RYR2: variants seen among roughly 807,000 people sequenced by gnomAD.
The protein encoded by RYR2 is cardiac muscle ryanodine receptor-calcium release channel.
In RYR2, 227 loss-of-function variants were observed where a neutral mutation model predicts 601.1. That is an observed-to-expected ratio of 0.38 (90% CI 0.34 to 0.42). The LOEUF is 0.42. RYR2 is among the 10% of genes least tolerant of loss of function. The pLI is 1.00. For missense variants in RYR2, 4,646 were observed against 6,156.5 expected, an observed-to-expected ratio of 0.75 and a Z score of 8.21; for synonymous variants, 2,223 against 2,175.1, an observed-to-expected ratio of 1.02 and a Z score of -0.61.
intron 41 of RYR2, among the ~76,000 whole-genome samples, chr1:237,629,238 G>A (rs1167262057): frequency 1.3e-5 from 2 of 152,012 alleles, no homozygotes; most frequent in Admixed American, 6.6e-5. Flanking sequence ...TGCCTATTGA[G>A]TAGTGTTCGC....
At chr1:237,633,794 T>A in intron 43 of RYR2, 84 bp downstream of exon 43, 2 of 1,338,086 alleles carry the variant, frequency 1.5e-6, no homozygotes, top group Non-Finnish European at 2.0e-6. Flanking sequence ...TTAAAAAATG[T>A]GCAATGGACC....
intron 27 of RYR2, among the ~76,000 whole-genome samples, chr1:237,559,728 A>G (rs1226933570): frequency 6.6e-6 from 1 of 152,192 alleles, no homozygotes; most frequent in Non-Finnish European, 1.5e-5. Context: ...TGCATGTCTC[A>G]CAATTTTTGT....
At chr1:237,345,453 C>CAAAAAAA (rs1698210064) in intron 3 of RYR2, among the ~76,000 whole-genome samples, 2 of 139,118 alleles carry the variant, frequency 1.4e-5, no homozygotes, top group Non-Finnish European at 3.2e-5. Flanking sequence ...GAGACTCTGC[C>CAAAAAAA]AAAAAATAAA....
chr1:237,331,526 G>A (rs1696718075), intron 3 of RYR2, among the ~76,000 whole-genome samples: 1 of 147,330 alleles, frequency 6.8e-6, no homozygotes, highest in East Asian at 1.9e-4. Flanking sequence ...TTTTTGAGAT[G>A]GAGTCTGGCT....
At chr1:237,782,677 T>A (rs1335780969) in intron 89 of RYR2, among the ~76,000 whole-genome samples, 2 of 152,166 alleles carry the variant, frequency 1.3e-5, no homozygotes, top group Non-Finnish European at 2.9e-5. Flanking sequence ...CAATAATAAC[T>A]GCAGTAGCAG....
chr1:237,238,847 T>A (rs1685859482), intron 1 of RYR2, among the ~76,000 whole-genome samples: 1 of 150,428 alleles, frequency 6.6e-6, no homozygotes, highest in Non-Finnish European at 1.5e-5. Flanking sequence ...TTACTAGCAT[T>A]TGTAAGTAGA....
intron 3 of RYR2, among the ~76,000 whole-genome samples, chr1:237,348,778 G>A (rs1698513434): frequency 6.6e-6 from 1 of 152,024 alleles, no homozygotes; most frequent in African/African-American, 2.4e-5. Flanking sequence ...TCCAGATATT[G>A]GAATTATCAG....
rs1685187563 is a variant in RYR2, at chr1:237,674,104, A to C, written c.8599A>C (p.Asn2867His). ...TCCTGACATACTCTTAGGAGGAGGA[A>C]ACCATCCTCTGCTGGTGCCCTATGA... ...KMELESKGGG[N>H]HPLLVPYDTL... is the part of the protein sequence containing the mutation. The change falls in exon 59 of 105, where the codon AAC becomes CAC. Residue 2867 changes from asparagine (N) to histidine (H), a missense_variant. Asn to His is a moderately conservative substitution (Grantham distance 68). Around this residue, in one of 17 missense-constraint regions of RYR2, gnomAD observed 1,497 missense variants for 1,842.6 expected, o/e 0.81. Coordinates refer to ENST00000366574, the MANE Select transcript of RYR2 (RefSeq NM_001035.3). The C allele has an allele frequency of 6.2e-7, 1 of 1,611,602 alleles. No homozygotes were observed. Among genetic ancestry groups the C allele is most frequent in the Non-Finnish European group, 8.5e-7 (1 of 1,177,964 alleles).
intron 71 of RYR2, among the ~76,000 whole-genome samples, chr1:237,713,499 C>G (rs535797152): frequency 9.9e-5 from 15 of 151,992 alleles, no homozygotes; most frequent in African/African-American, 3.1e-4. Flanking sequence ...TGGGTTCAAG[C>G]GATTCTCCTG....
chr1:237,595,124 T>TA (rs146780672), intron 33 of RYR2, among the ~76,000 whole-genome samples: 31,405 of 151,414 alleles, frequency 0.21, 3,848 homozygotes, highest in South Asian at 0.38. Flanking sequence ...AAAAAAAAGC[T>TA]AAAAAAAATC....
At chr1:237,381,091 AG>A (rs1393922018) in intron 8 of RYR2, among the ~76,000 whole-genome samples, 2 of 151,968 alleles carry the variant, frequency 1.3e-5, no homozygotes, top group Admixed American at 6.6e-5. Flanking sequence ...AAGAAAAAAA[AG>A]AAATGATCTG....
intron 1 of RYR2, among the ~76,000 whole-genome samples, chr1:237,070,986 G>A (rs964592764): frequency 2.6e-5 from 4 of 152,244 alleles, no homozygotes; most frequent in Non-Finnish European, 5.9e-5. Context: ...GCAATGTGGT[G>A]AGTGGGGGGC....
intron 100 of RYR2, among the ~76,000 whole-genome samples, chr1:237,817,579 A>G (rs1661971655): frequency 6.6e-6 from 1 of 152,230 alleles, no homozygotes; most frequent in African/African-American, 2.4e-5. Context: ...AATTCAAGAA[A>G]AAGATCCAGG....
chr1:237,749,433 CTATTAT>C (rs3036582), intron 80 of RYR2, among the ~76,000 whole-genome samples: 5 of 150,070 alleles, frequency 3.3e-5, no homozygotes, highest in South Asian at 4.2e-4. Context: ...TAAATATTTG[CTATTAT>C]TATTATTATT....
Position 237,500,756 on chromosome 1 carries a change from G to C in RYR2, c.2249G>C (p.Arg750Thr). The change falls in exon 21 of 105, where the codon AGA becomes ACA. Residue 750 changes from arginine (R) to threonine (T), a missense_variant. By Grantham distance (71) the Arg-to-Thr change is moderately conservative. Transcript: ENST00000366574. ...AGCTCACCAAACCAACATCTGTTAA[G>C]AACTGATGATGTCATCAGTTGCTGT... The part of the protein sequence containing the change: ...TVSSPNQHLL[R>T]TDDVISCCLD... 1 of 1,613,800 alleles carries C rather than the reference G, an allele frequency of 6.2e-7. No individual in the cohort carries two copies. Among genetic ancestry groups the C allele is most frequent in the Non-Finnish European group, 8.5e-7 (1 of 1,179,774 alleles).
At chr1:237,791,771 C>T in intron 93 of RYR2, 1 of 555,346 alleles carries the variant, frequency 1.8e-6, no homozygotes, top group Non-Finnish European at 3.2e-6. Flanking sequence ...CCTAATTTAG[C>T]TGAATATCTT....
chr1:237,698,342 AGAG>A (rs1160640868), intron 63 of RYR2, among the ~76,000 whole-genome samples: 2 of 152,120 alleles, frequency 1.3e-5, no homozygotes, highest in East Asian at 3.8e-4. Flanking sequence ...ATTACTTTCA[AGAG>A]GAGTTACTAC....
At chr1:237,279,984 G>A (rs1690689738) in intron 2 of RYR2, among the ~76,000 whole-genome samples, 1 of 152,084 alleles carries the variant, frequency 6.6e-6, no homozygotes, top group Non-Finnish European at 1.5e-5. Context: ...AAGGAAGCTG[G>A]GCCTTGTAGA....
chr1:237,128,861 A>G (rs1003997434), intron 1 of RYR2, among the ~76,000 whole-genome samples: 7 of 152,176 alleles, frequency 4.6e-5, no homozygotes, highest in Non-Finnish European at 1.0e-4. Context: ...ATATATTTTG[A>G]ATATAGAGAT....
Sources: allele counts gnomAD v4.1 joint callset (sites outside exome capture counted in the v4.1 genomes callset), GRCh38; gene constraint gnomAD v4.1.1; regional missense constraint gnomAD v4.1.1; transcripts MANE v1.5; gene names NCBI Gene and HGNC (gene_info 2026-07-23, HGNC 2026-07-21).